The following BACH1 variants were observed in gnomAD, a reference collection of about 807,000 sequenced individuals.
BACH1 encodes the protein transcription regulator protein BACH1.
In BACH1, 35 loss-of-function variants were observed where a neutral mutation model predicts 52.9. That is an observed-to-expected ratio of 0.66 (90% CI 0.51 to 0.88). The LOEUF (loss-of-function observed/expected upper bound fraction) is 0.88, where lower values mean the gene tolerates loss of function less well. Among genes scored for constraint, BACH1 ranks in the 40% least tolerant of loss-of-function variants. The pLI is 0.00. For missense variants in BACH1, 808 were observed against 872.6 expected, an observed-to-expected ratio of 0.93 and a Z score of 0.93; for synonymous variants, 321 against 319.6, an observed-to-expected ratio of 1.00 and a Z score of -0.05.
intron 2 of BACH1, among the ~76,000 whole-genome samples, chr21:29,360,596 G>T (rs895821340): frequency 6.6e-6 from 1 of 152,134 alleles, no homozygotes; most frequent in African/African-American, 2.4e-5. Context: ...TGTAATCCCA[G>T]CACTTTGGGA....
intron 1 of BACH1, among the ~76,000 whole-genome samples, chr21:29,318,806 T>G (rs891738516): frequency 6.6e-6 from 1 of 152,112 alleles, no homozygotes; most frequent in Non-Finnish European, 1.5e-5. Flanking sequence ...AGGCCCAGAG[T>G]CATTCTCTTT....
intron 4 of BACH1, 139 bp downstream of exon 4, chr21:29,329,832 T>A: frequency 1.5e-6 from 1 of 657,598 alleles, no homozygotes; most frequent in Non-Finnish European, 2.4e-6. Flanking sequence ...TTATCATTTT[T>A]ACCATGATAT....
At chr21:29,346,833 T>G (rs2089171572), downstream of BACH1, among the ~76,000 whole-genome samples, 1 of 145,076 alleles carries the variant, frequency 6.9e-6, no homozygotes, top group Non-Finnish European at 1.5e-5. Flanking sequence ...TTCACCAAGC[T>G]TTGAAAGATT....
intron 1 of BACH1, among the ~76,000 whole-genome samples, chr21:29,299,972 T>G (rs1415764506): frequency 6.6e-6 from 1 of 152,108 alleles, no homozygotes; most frequent in African/African-American, 2.4e-5. Flanking sequence ...TGAATGCAGT[T>G]CAGAAGGATA....
intron 2 of BACH1, chr21:29,361,335 A>G (rs2089270497): frequency 6.6e-6 from 1 of 152,200 alleles, no homozygotes; most frequent in Admixed American, 6.5e-5. Context: ...CAGCTGGGAT[A>G]TTATACAGCT....
chr21:29,361,559 T>C (rs2089271961), intron 2 of BACH1: 1 of 152,208 alleles, frequency 6.6e-6, no homozygotes, highest in South Asian at 2.1e-4. Context: ...CAGCTATAGA[T>C]GGCAGCACAC....
intron 1 of BACH1, among the ~76,000 whole-genome samples, chr21:29,308,762 A>C (rs1244685499): frequency 2.0e-5 from 3 of 152,252 alleles, no homozygotes; most frequent in Non-Finnish European, 2.9e-5. Flanking sequence ...TTTCATTATG[A>C]AAATAGAACA....
chr21:29,325,979 A>G (rs2088905818), intron 2 of BACH1, 80 bp from the exon 3 acceptor site: 1 of 1,337,988 alleles, frequency 7.5e-7, no homozygotes, highest in Non-Finnish European at 1.0e-6. Context: ...ATATCTCTCT[A>G]TTCCTCTTCT....
intron 2 of BACH1, among the ~76,000 whole-genome samples, chr21:29,323,272 A>G (rs938334507): frequency 3.9e-5 from 6 of 152,214 alleles, no homozygotes; most frequent in African/African-American, 1.4e-4. Flanking sequence ...GTGAAGGCCC[A>G]TTATAGGCCA....
chr21:29,300,732 T>C (rs1430439959), intron 1 of BACH1: 1 of 152,246 alleles, frequency 6.6e-6, no homozygotes, highest in Non-Finnish European at 1.5e-5. Context: ...AATTTGTGCG[T>C]CATAAAAATT....
Position 29,327,030 on chromosome 21 carries a change from G to C in BACH1, c.1206G>C (p.Trp402Cys), listed in dbSNP as rs770255426. ...CAGAACACCTAGCAAAAGGCTTCTG[G>C]AGTGACATTTGCAGCACGGACACTC... ...EVAEHLAKGF[W>C]SDICSTDTPC... Residue 402 changes from tryptophan to cysteine, a missense_variant, in exon 3 of 5, where the codon TGG becomes TGC. Physicochemically the swap from Trp to Cys is radical, Grantham distance 215. Coordinates refer to ENST00000286800, the MANE Select transcript of BACH1 (RefSeq NM_001186.4). 5.5e-5 allele frequency: 88 copies of C among 1,614,086 alleles called. No homozygotes were observed. In the Admixed American group the frequency reaches 1.4e-3, roughly 27 times the overall value.
intron 1 of BACH1, among the ~76,000 whole-genome samples, chr21:29,308,478 C>G (rs966729150): frequency 6.6e-6 from 1 of 152,062 alleles, no homozygotes; most frequent in African/African-American, 2.4e-5. Context: ...TGTTAACATT[C>G]TTTTTTATAC....
chr21:29,337,869 C>T (rs1015412901), intron 4 of BACH1, among the ~76,000 whole-genome samples: 6 of 151,974 alleles, frequency 3.9e-5, no homozygotes, highest in South Asian at 4.1e-4. Context: ...GTGGAGGTTG[C>T]GGTGAGCTGA....
At chr21:29,352,055 T>C (rs1374864751) in intron 2 of BACH1, among the ~76,000 whole-genome samples, 1 of 151,912 alleles carries the variant, frequency 6.6e-6, no homozygotes, top group African/African-American at 2.4e-5. Flanking sequence ...AGACCTAGTT[T>C]TCTTTTTTTT....
chr21:29,324,495 G>A (rs551234894), intron 2 of BACH1, among the ~76,000 whole-genome samples: 5 of 152,048 alleles, frequency 3.3e-5, no homozygotes, highest in African/African-American at 1.2e-4. Context: ...TATCCAGCTT[G>A]TGTGTATCAG....
At chr21:29,341,050 T>C (rs1447167695) in intron 4 of BACH1, among the ~76,000 whole-genome samples, 1 of 152,144 alleles carries the variant, frequency 6.6e-6, no homozygotes, top group Non-Finnish European at 1.5e-5. Flanking sequence ...ATTTAGTATT[T>C]TGTATTTATT....
At chr21:29,325,006 A>T (rs1224182473) in intron 2 of BACH1, among the ~76,000 whole-genome samples, 1 of 152,180 alleles carries the variant, frequency 6.6e-6, no homozygotes, top group Non-Finnish European at 1.5e-5. Context: ...AGGCGAGTGG[A>T]TCACGAGGTC....
intron 1 of BACH1, among the ~76,000 whole-genome samples, chr21:29,310,797 G>A (rs1334050255): frequency 6.6e-6 from 1 of 152,230 alleles, no homozygotes; most frequent in South Asian, 2.1e-4. Flanking sequence ...TGGTTTCCAC[G>A]GAGTGGAGGG....
intron 1 of BACH1, among the ~76,000 whole-genome samples, chr21:29,313,467 A>G (rs2088751389): frequency 6.6e-6 from 1 of 152,256 alleles, no homozygotes; most frequent in African/African-American, 2.4e-5. Context: ...GTGATACACG[A>G]AATATATGTC....
Sources: gnomAD v4.1 joint callset for allele counts (sites outside exome capture counted in the v4.1 genomes callset) on GRCh38, gnomAD v4.1.1 for gene constraint, MANE v1.5 for transcripts, NCBI Gene and HGNC (gene_info 2026-07-23, HGNC 2026-07-21) for gene names.